Variants in VAV3 observed in about 807,000 individuals in gnomAD.
The protein encoded by VAV3 is guanine nucleotide exchange factor VAV3.
In VAV3, 94 loss-of-function variants were observed where a neutral mutation model predicts 131.2. The ratio of observed to expected loss-of-function variants is 0.72; its 90% confidence interval spans 0.61 to 0.85. The LOEUF (loss-of-function observed/expected upper bound fraction) is 0.85, where lower values mean the gene tolerates loss of function less well. Among genes scored for constraint, VAV3 ranks in the 40% least tolerant of loss-of-function variants. The pLI is 0.00. For missense variants in VAV3, 939 were observed against 1,002.7 expected, an observed-to-expected ratio of 0.94 and a Z score of 0.86; for synonymous variants, 349 against 342.0, an observed-to-expected ratio of 1.02 and a Z score of -0.22.
At chr1:107,848,998 AG>A (rs1315853924) in intron 2 of VAV3, among the ~76,000 whole-genome samples, 1 of 152,180 alleles carries the variant, frequency 6.6e-6, no homozygotes, top group Non-Finnish European at 1.5e-5. Context: ...TAAAATACCT[AG>A]GAATCCAACT....
At chr1:107,901,813 C>T (rs1362677822) in intron 1 of VAV3, among the ~76,000 whole-genome samples, 2 of 151,972 alleles carry the variant, frequency 1.3e-5, no homozygotes, top group Non-Finnish European at 2.9e-5. Flanking sequence ...GAGGCCAAGG[C>T]GGGTGGATCA....
chr1:107,695,134 AAG>A lies in VAV3; in HGVS notation c.1706-6730_1706-6729del, dbSNP rs763072420. On this transcript the variant is annotated intron_variant, in intron 17 of 26. Transcript: ENST00000370056. ...CTGGTTGGAGAACTGTGAGTAGTTA[AAG>A]AGAGTCGTGTTATAGGTTGGGGGAT... 9.2e-5 allele frequency among the ~76,000 whole-genome samples: 14 copies of A among 152,322 alleles called. No individual in the cohort carries two copies. In the South Asian group the frequency reaches 2.7e-3, roughly 29 times the overall value.
chr1:107,786,145 A>G (rs1665992387), intron 2 of VAV3, among the ~76,000 whole-genome samples: 1 of 152,236 alleles, frequency 6.6e-6, no homozygotes, highest in Non-Finnish European at 1.5e-5. Flanking sequence ...GAAGACTGTA[A>G]ACTATGGGAA....
At chr1:107,795,968 T>C (rs1040648053) in intron 2 of VAV3, among the ~76,000 whole-genome samples, 25 of 152,344 alleles carry the variant, frequency 1.6e-4, no homozygotes, top group African/African-American at 5.8e-4. Context: ...CATTAAATCC[T>C]AATTCTCAGA....
intron 19 of VAV3, among the ~76,000 whole-genome samples, chr1:107,670,565 T>C (rs1657716624): frequency 6.6e-6 from 1 of 152,198 alleles, no homozygotes; most frequent in African/African-American, 2.4e-5. Context: ...CGATGGTGAT[T>C]AATGAACTCC....
chr1:107,917,258 T>C (rs1672669513), intron 1 of VAV3, among the ~76,000 whole-genome samples: 1 of 152,076 alleles, frequency 6.6e-6, no homozygotes, highest in African/African-American at 2.4e-5. Context: ...CTGAAAAGCA[T>C]CACAGAAGCC....
intron 1 of VAV3, among the ~76,000 whole-genome samples, chr1:107,933,335 C>A (rs1371897163): frequency 6.6e-6 from 1 of 151,198 alleles, no homozygotes; most frequent in Non-Finnish European, 1.5e-5. Flanking sequence ...ACTATTTGGT[C>A]CTCCTCTACC....
intron 1 of VAV3, among the ~76,000 whole-genome samples, chr1:107,938,307 G>A (rs1448586093): frequency 1.3e-5 from 2 of 152,128 alleles, no homozygotes; most frequent in African/African-American, 4.8e-5. Flanking sequence ...TAAACTCAAG[G>A]AAAGCTGAGG....
intron 15 of VAV3, among the ~76,000 whole-genome samples, chr1:107,747,775 G>C (rs1302948076): frequency 6.6e-6 from 1 of 152,258 alleles, no homozygotes; most frequent in South Asian, 2.1e-4. Context: ...AGTGATAATA[G>C]ATGAACCCAG....
chr1:107,868,320 G>T (rs1468453522), intron 2 of VAV3, among the ~76,000 whole-genome samples: 1 of 152,156 alleles, frequency 6.6e-6, no homozygotes, highest in Non-Finnish European at 1.5e-5. Context: ...ATGAAAAAAT[G>T]TTTTCAGGTG....
chr1:107,879,204 C>T (rs76013032), intron 1 of VAV3, among the ~76,000 whole-genome samples: 3,333 of 152,192 alleles, frequency 0.022, 51 homozygotes, highest in Non-Finnish European at 0.035. Flanking sequence ...CTGGAATCAG[C>T]CATTTCTCCA....
chr1:107,658,792 G>A (rs895295426), intron 19 of VAV3, among the ~76,000 whole-genome samples: 2 of 152,016 alleles, frequency 1.3e-5, no homozygotes, highest in Non-Finnish European at 2.9e-5. Context: ...TTTTTGATGG[G>A]GTTGTTTGTT....
intron 19 of VAV3, among the ~76,000 whole-genome samples, chr1:107,680,122 C>T (rs1163510543): frequency 1.3e-5 from 2 of 152,132 alleles, no homozygotes; most frequent in Non-Finnish European, 2.9e-5. Flanking sequence ...CACAAACCTA[C>T]AGTTCACTCT....
intron 2 of VAV3, among the ~76,000 whole-genome samples, chr1:107,863,636 G>A (rs1489300827): frequency 6.6e-6 from 1 of 152,118 alleles, no homozygotes; most frequent in African/African-American, 2.4e-5. Flanking sequence ...TACCACTTCG[G>A]CACCTTCCTA....
At chr1:107,817,863 GAA>G (rs1373227577) in intron 2 of VAV3, among the ~76,000 whole-genome samples, 1 of 152,048 alleles carries the variant, frequency 6.6e-6, no homozygotes, top group Non-Finnish European at 1.5e-5. Context: ...TTTCAGAGCG[GAA>G]AAAAATGCAA....
chr1:107,965,064 G>C lies in VAV3; in HGVS notation c.-195C>G, dbSNP rs1224553355. The C allele has an allele frequency of 9.9e-6, 2 of 201,714 alleles. No individual in the cohort carries two copies. Among genetic ancestry groups the C allele is most frequent in the African/African-American group, 4.8e-5 (2 of 41,870 alleles). The allele number at this position is 201,714 out of a possible 1,614,324, so 12.5% of individuals were successfully genotyped here. On this transcript the variant is annotated 5_prime_UTR_variant, in exon 1 of 27. Coordinates refer to ENST00000370056, the MANE Select transcript of VAV3 (RefSeq NM_006113.5). ...TAGGCTCGGCTCCGGTCCCGGCCCG[G>C]GTGCGCCGCGACCCGGCCGCCGCTG...
At chr1:107,687,571 C>A (rs1659123278) in intron 18 of VAV3, among the ~76,000 whole-genome samples, 1 of 152,140 alleles carries the variant, frequency 6.6e-6, no homozygotes, top group East Asian at 1.9e-4. Context: ...TGGGGAGGGG[C>A]AGTCAGGTAA....
Position 107,618,441 on chromosome 1 carries a change from T to C in VAV3, c.1915-809A>G, listed in dbSNP as rs1022191978. Among the ~76,000 whole-genome samples, 147 of 152,276 alleles carry C rather than the reference T, an allele frequency of 9.7e-4. 1 individual carries two copies. Among genetic ancestry groups the C allele is most frequent in the African/African-American group, 3.4e-3 (143 of 41,564 alleles). ...ATGTAAGTTTTGGATGATTTTCAGA[T>C]TTAAGAAAAAGAAATAGGATACTTA... On this transcript the variant is annotated intron_variant, in intron 20 of 26. Coordinates refer to ENST00000370056, the MANE Select transcript of VAV3 (RefSeq NM_006113.5).
At chr1:107,630,544 C>T (rs573998239) in intron 20 of VAV3, among the ~76,000 whole-genome samples, 1 of 152,276 alleles carries the variant, frequency 6.6e-6, no homozygotes, top group Non-Finnish European at 1.5e-5. Flanking sequence ...GTCAGTAACA[C>T]TCAGCAAAAT....
Sources: gnomAD v4.1 joint callset for allele counts (sites outside exome capture counted in the v4.1 genomes callset) on GRCh38, gnomAD v4.1.1 for gene constraint, MANE v1.5 for transcripts, NCBI Gene and HGNC (gene_info 2026-07-23, HGNC 2026-07-21) for gene names.